The following KCNIP3 variants were observed in gnomAD, a reference collection of about 807,000 sequenced individuals.
The protein encoded by KCNIP3 is calsenilin.
Under a neutral mutation model 35.0 loss-of-function variants are expected in KCNIP3, and 28 were observed. The observed-to-expected ratio is 0.80, with a 90% CI of 0.59 to 1.10. KCNIP3 has a LOEUF of 1.10. Ranked by LOEUF, KCNIP3 falls within the 50% of genes least tolerant of loss-of-function variation. KCNIP3 has a pLI of 0.00. For missense variants in KCNIP3, 295 were observed against 338.4 expected, an observed-to-expected ratio of 0.87 and a Z score of 1.01; for synonymous variants, 134 against 133.8, an observed-to-expected ratio of 1.00 and a Z score of -0.01.
At chr2:95,369,843 C>T (rs1393884260) in intron 2 of KCNIP3, among the ~76,000 whole-genome samples, 2 of 152,084 alleles carry the variant, frequency 1.3e-5, no homozygotes, top group Admixed American at 6.6e-5. Context: ...AGGCTGGTCT[C>T]GAACTCCTGG....
rs1044386484 is a variant in KCNIP3 at position 95,374,409 on chromosome 2, G to A, written c.295G>A (p.Gly99Ser). 3 of 1,613,986 alleles carry A rather than the reference G, an allele frequency of 1.9e-6. No homozygotes were observed. Among genetic ancestry groups the A allele is most frequent in the African/African-American group, 2.7e-5 (2 of 74,950 alleles). ...TKKELQSLYR[G>S]FKNECPTGLV... ...GAAGGAGCTGCAGTCTCTCTACAGG[G>A]GCTTTAAGAATGTGAGTGTTCCCCA... The change falls in exon 3 of 9, where the codon GGC becomes AGC. Residue 99 changes from glycine to serine, a missense_variant. Physicochemically the swap from Gly to Ser is moderately conservative, Grantham distance 56. Transcript: ENST00000295225.
intron 2 of KCNIP3, chr2:95,355,073 G>A (rs149135822): frequency 6.6e-6 from 1 of 152,406 alleles, no homozygotes; most frequent in African/African-American, 2.4e-5. Context: ...TGAGGGCCGG[G>A]GAGCGGCAGA....
intron 2 of KCNIP3, among the ~76,000 whole-genome samples, chr2:95,316,036 C>G (rs1417145157): frequency 6.6e-6 from 1 of 152,240 alleles, no homozygotes; most frequent in African/African-American, 2.4e-5. Flanking sequence ...CACCATCAGG[C>G]GCTCCACCCC....
At chr2:95,305,364 TGCAGGAGCTCACAAAGAGG>T (rs768868430) in intron 1 of KCNIP3, among the ~76,000 whole-genome samples, 24 of 152,230 alleles carry the variant, frequency 1.6e-4, no homozygotes, top group Non-Finnish European at 3.1e-4. Flanking sequence ...CACATGCAGT[TGCAGGAGCTCACAAAGAGG>T]GCCCATGTAC....
chr2:95,349,917 G>T lies in KCNIP3; in HGVS notation c.182-24379G>T, dbSNP rs1049316667. On this transcript the variant is annotated intron_variant, in intron 2 of 8. Transcript: ENST00000295225. ...GGCTTTGGGACCTGGACCCTGTAGG[G>T]CTGGGCTGGGGGTGGGGTCTGCATC... 4.6e-5 allele frequency among the ~76,000 whole-genome samples: 7 copies of T among 152,214 alleles called. 1 individual carries two copies. Among genetic ancestry groups the T allele is most frequent in the Admixed American group, 1.3e-4 (2 of 15,284 alleles).
At chr2:95,306,384 C>T (rs941885820) in intron 1 of KCNIP3, among the ~76,000 whole-genome samples, 1 of 152,198 alleles carries the variant, frequency 6.6e-6, no homozygotes, top group Non-Finnish European at 1.5e-5. Context: ...TCTTGGGTGC[C>T]AGGCTGTGTC....
intron 2 of KCNIP3, among the ~76,000 whole-genome samples, chr2:95,347,370 G>C (rs1323961033): frequency 6.6e-6 from 1 of 152,202 alleles, no homozygotes; most frequent in African/African-American, 2.4e-5. Flanking sequence ...TGAGCGGACA[G>C]CTCCTGCCAT....
At chr2:95,360,568 A>G (rs1434105031) in intron 2 of KCNIP3, among the ~76,000 whole-genome samples, 1 of 152,210 alleles carries the variant, frequency 6.6e-6, no homozygotes, top group African/African-American at 2.4e-5. Flanking sequence ...TCTCAGTACC[A>G]GTTTTCTGTC....
At chr2:95,304,094 G>A (rs1355317756) in intron 1 of KCNIP3, among the ~76,000 whole-genome samples, 9 of 152,216 alleles carry the variant, frequency 5.9e-5, no homozygotes, top group African/African-American at 1.9e-4. Context: ...AGAGGCCGCC[G>A]TCACTCAGAC....
chr2:95,344,694 G>A (rs1002949138), intron 2 of KCNIP3, among the ~76,000 whole-genome samples: 1 of 152,190 alleles, frequency 6.6e-6, no homozygotes, highest in Non-Finnish European at 1.5e-5. Context: ...CATCTGACAC[G>A]TGCCACCCTG....
chr2:95,349,828 G>A (rs1399235569), intron 2 of KCNIP3, among the ~76,000 whole-genome samples: 1 of 152,222 alleles, frequency 6.6e-6, no homozygotes, highest in Admixed American at 6.5e-5. Flanking sequence ...CCTTGCTTCG[G>A]CAAGTGTGCG....
rs1347654888 is a variant in KCNIP3, at chr2:95,324,439, A to G, written c.181+13919A>G. ...TGAGGCAGGAGAATGGCGTGGGCCC[A>G]GGAGGCGGAGCTTGCAGTAAGCGAG... On this transcript the variant is annotated intron_variant, in intron 2 of 8. Transcript: ENST00000295225. Among the ~76,000 whole-genome samples the G allele has an allele frequency of 9.2e-5, 14 of 151,680 alleles. No individual in the cohort carries two copies. The East Asian group carries it at 1.8e-3, about 19-fold the overall frequency.
Position 95,375,277 on chromosome 2 carries a change from G to A in KCNIP3, c.447+69G>A, listed in dbSNP as rs115138050. 2.1e-4 allele frequency: 294 copies of A among 1,389,764 alleles called. 1 individual carries two copies. The African/African-American group carries it at 3.1e-3, about 14-fold the overall frequency. 86.1% of individuals were successfully genotyped at this position (1,389,764 alleles called of 1,614,324 possible). On this transcript the variant is annotated intron_variant, in intron 5 of 8. Transcript: ENST00000295225. Reference sequence around the variant, plus strand: ...TGCAGGAGTGAATCCTTACCCTGGCGTCACTGTCAGGGCTGTCGAGAGAGC... The same window carrying A: ...TGCAGGAGTGAATCCTTACCCTGGCATCACTGTCAGGGCTGTCGAGAGAGC...
chr2:95,382,026 A>C lies in KCNIP3; in HGVS notation c.555+323A>C, dbSNP rs1320793964. Reference sequence around the variant, plus strand: ...AGAGGTCCTGGCCTTGGCCCCCATCAAGTGAAGGGGGCAGTGCGGTCCCTT... The same window carrying C: ...AGAGGTCCTGGCCTTGGCCCCCATCCAGTGAAGGGGGCAGTGCGGTCCCTT... On this transcript the variant is annotated intron_variant, in intron 6 of 8. Transcript: ENST00000295225. The surrounding 1 kb of genome is among the most constrained non-coding windows in gnomAD (Gnocchi z 4.5). 1.3e-5 allele frequency among the ~76,000 whole-genome samples: 2 copies of C among 152,188 alleles called. No homozygotes were observed. The highest frequency in any genetic ancestry group is 2.9e-5 in the Non-Finnish European group (2 of 68,016).
At chr2:95,361,559 A>C (rs1308083854) in intron 2 of KCNIP3, among the ~76,000 whole-genome samples, 1 of 152,048 alleles carries the variant, frequency 6.6e-6, no homozygotes, top group African/African-American at 2.4e-5. Flanking sequence ...ACTGGACCTG[A>C]GTCTTGGAAT....
chr2:95,297,449 C>A lies in KCNIP3; in HGVS notation c.11C>A (p.Ala4Asp). 1 of 1,373,106 alleles carries A rather than the reference C, an allele frequency of 7.3e-7. No individual in the cohort carries two copies. The highest frequency in any genetic ancestry group is 3.1e-5 in the East Asian group (1 of 32,628). The allele number at this position is 1,373,106 out of a possible 1,614,324, so 85.1% of individuals were successfully genotyped here. The change falls in exon 1 of 9, where the codon GCT becomes GAT. Residue 4 changes from alanine to aspartate, a missense_variant. Coordinates refer to ENST00000295225, the MANE Select transcript of KCNIP3 (RefSeq NM_013434.5). MQP[A>D]KEVTKASDGS... is the part of the protein sequence containing the mutation. ...TCTTCAGCGCCCAGGATGCAGCCGG[C>A]TAAGGTAGGTGCTGGGGGAATGGGG...
intron 2 of KCNIP3, among the ~76,000 whole-genome samples, chr2:95,316,633 T>C (rs1277124139): frequency 1.3e-5 from 2 of 152,136 alleles, no homozygotes; most frequent in South Asian, 4.1e-4. Flanking sequence ...CGGAGAGTGG[T>C]GGTCCCCATG....
chr2:95,325,997 A>G (rs1678762003), intron 2 of KCNIP3, among the ~76,000 whole-genome samples: 1 of 151,814 alleles, frequency 6.6e-6, no homozygotes, highest in Non-Finnish European at 1.5e-5. Context: ...ACACTCACAC[A>G]CACTCAGACA....
At position 95,368,475 on chromosome 2, in the gene KCNIP3, A is replaced by G. The variant is rs1679968545; in HGVS notation, c.182-5821A>G. 4 of 195,440 alleles carry G rather than the reference A, an allele frequency of 2.0e-5. No individual in the cohort carries two copies. In the South Asian group the frequency reaches 4.3e-4, roughly 21 times the overall value. The allele number at this position is 195,440 out of a possible 1,614,324, so 12.1% of individuals were successfully genotyped here. A position where few individuals can be genotyped will look rare whatever the true frequency, so the allele number is the denominator to read the frequency against. On this transcript the variant is annotated intron_variant, in intron 2 of 8. Transcript: ENST00000295225. Reference sequence around the variant, plus strand: ...CACCACAATCTCACAAATCACCACTAAAGAACTTACTCATGTAAGCAGACA... The same window carrying G: ...CACCACAATCTCACAAATCACCACTGAAGAACTTACTCATGTAAGCAGACA...
Sources: allele counts gnomAD v4.1 joint callset (sites outside exome capture counted in the v4.1 genomes callset), GRCh38; gene constraint gnomAD v4.1.1; non-coding constraint Gnocchi (gnomAD v3.1); transcripts MANE v1.5; gene names NCBI Gene and HGNC (gene_info 2026-07-23, HGNC 2026-07-21).